The following ATP11A variants were observed in gnomAD, a reference collection of about 807,000 sequenced individuals.
ATP11A encodes the protein ATPase phospholipid transporting 11A.
Under a neutral mutation model 154.4 loss-of-function variants are expected in ATP11A, and 81 were observed. That is an observed-to-expected ratio of 0.52 (90% CI 0.44 to 0.63). The LOEUF is 0.63. Among genes scored for constraint, ATP11A ranks in the 30% least tolerant of loss-of-function variants. The probability of loss-of-function intolerance (pLI) is 0.00; values close to 1 mark genes in which losing one functional copy is unlikely to be tolerated. For synonymous variants in ATP11A, 623 were observed against 585.9 expected (o/e 1.06, Z -0.91); for missense variants, 1,316 against 1,474.3 (o/e 0.89, Z 1.76).
rs1460675998 is a variant in ATP11A, at chr13:112,785,561, C to CA, written c.162+305dup. 1.3e-5 allele frequency among the ~76,000 whole-genome samples: 2 copies of CA among 152,092 alleles called. No homozygotes were observed. The highest frequency in any genetic ancestry group is 2.9e-5 in the Non-Finnish European group (2 of 68,022). ...CAGGATCCAAACCCTACCCAGGTCC[C>CA]ACTTCTGAGGCGCCTGGCCACGTGC... On this transcript the variant is annotated intron_variant, in intron 2 of 29. Coordinates refer to ENST00000375645, the MANE Select transcript of ATP11A (RefSeq NM_015205.3). The surrounding 1 kb of genome is among the most constrained non-coding windows in gnomAD (Gnocchi z 4.8).
At chr13:112,699,206 C>T (rs1886230446) in intron 1 of ATP11A, among the ~76,000 whole-genome samples, 1 of 152,152 alleles carries the variant, frequency 6.6e-6, no homozygotes, top group East Asian at 1.9e-4. Flanking sequence ...GTTTTTCTGC[C>T]ACTCAACTCA....
chr13:112,871,169 G>C (rs1276302919), intron 25 of ATP11A, among the ~76,000 whole-genome samples: 1 of 152,124 alleles, frequency 6.6e-6, no homozygotes, highest in South Asian at 2.1e-4. Flanking sequence ...GCATTTACTC[G>C]CAGAACGTTC....
At chr13:112,819,663 TTTTC>T in intron 7 of ATP11A, among the ~76,000 whole-genome samples, 2 of 152,278 alleles carry the variant, frequency 1.3e-5, no homozygotes, top group East Asian at 3.8e-4. Context: ...AAAGAATAAG[TTTTC>T]TTTATTTTAC....
intron 1 of ATP11A, among the ~76,000 whole-genome samples, chr13:112,694,374 C>G (rs767070544): frequency 2.0e-5 from 3 of 152,172 alleles, no homozygotes; most frequent in Non-Finnish European, 2.9e-5. Context: ...AACCTATGGG[C>G]TGCCAGTGCT....
At chr13:112,760,661 C>T (rs1430441276) in intron 1 of ATP11A, among the ~76,000 whole-genome samples, 1 of 152,106 alleles carries the variant, frequency 6.6e-6, no homozygotes, top group Non-Finnish European at 1.5e-5. Context: ...AAGAACTTCC[C>T]ATGCACCAGG....
chr13:112,858,337 C>T, intron 22 of ATP11A, 47 bp downstream of exon 22: 1 of 1,561,938 alleles, frequency 6.4e-7, no homozygotes, highest in Non-Finnish European at 8.7e-7. Context: ...ACAGGTCACG[C>T]ACAGGGTGGC....
At chr13:112,740,596 A>G (rs190799076) in intron 1 of ATP11A, among the ~76,000 whole-genome samples, 51 of 152,322 alleles carry the variant, frequency 3.3e-4, no homozygotes, top group African/African-American at 1.2e-3. Flanking sequence ...TTAAAATGCA[A>G]CGTAGCCCAG....
intron 1 of ATP11A, among the ~76,000 whole-genome samples, chr13:112,741,743 C>T (rs770185020): frequency 6.6e-6 from 1 of 152,182 alleles, no homozygotes; most frequent in African/African-American, 2.4e-5. Flanking sequence ...GTTTGTGGCT[C>T]TCTCTGCACT....
chr13:112,716,530 GA>G (rs1888477713), intron 1 of ATP11A, among the ~76,000 whole-genome samples: 1 of 152,212 alleles, frequency 6.6e-6, no homozygotes, highest in African/African-American at 2.4e-5. Flanking sequence ...AGCCGGGACA[GA>G]GGGGGCAAGG....
intron 1 of ATP11A, among the ~76,000 whole-genome samples, chr13:112,764,432 A>C (rs951960160): frequency 6.6e-6 from 1 of 152,156 alleles, no homozygotes; most frequent in Non-Finnish European, 1.5e-5. Context: ...TTGTTTCCTG[A>C]TGGAGGGGTT....
At chr13:112,708,841 G>A (rs899978392) in intron 1 of ATP11A, among the ~76,000 whole-genome samples, 2 of 152,248 alleles carry the variant, frequency 1.3e-5, no homozygotes, top group African/African-American at 4.8e-5. Context: ...CATGGAGGGG[G>A]AGGGGGAGTT....
chr13:112,875,661 C>A lies in ATP11A; in HGVS notation c.3162-115C>A. On this transcript the variant is annotated intron_variant, in intron 27 of 29. Transcript: ENST00000375645. The surrounding 1 kb of genome is among the most constrained non-coding windows in gnomAD (Gnocchi z 4.1). ...AGAGCAGGCTCCGTGGCTTGCCAAG[C>A]AACTCTCACTGACAAAAGTGTAAAC... 3 of 1,209,216 alleles carry A rather than the reference C, an allele frequency of 2.5e-6. No individual in the cohort carries two copies. The highest frequency in any genetic ancestry group is 3.4e-6 in the Non-Finnish European group (3 of 873,056). The allele number at this position is 1,209,216 out of a possible 1,614,324, so 74.9% of individuals were successfully genotyped here.
chr13:112,866,918 T>G (rs1205250238), intron 25 of ATP11A, among the ~76,000 whole-genome samples: 1 of 152,210 alleles, frequency 6.6e-6, no homozygotes, highest in Non-Finnish European at 1.5e-5. Flanking sequence ...GAACTTATTC[T>G]TTGTCTTCAT....
intron 1 of ATP11A, among the ~76,000 whole-genome samples, chr13:112,718,332 C>G (rs1260188955): frequency 6.6e-6 from 1 of 152,216 alleles, no homozygotes; most frequent in African/African-American, 2.4e-5. Context: ...ATGTTCAACT[C>G]TGCTTTTTGT....
intron 12 of ATP11A, among the ~76,000 whole-genome samples, chr13:112,829,311 G>T (rs1457164196): frequency 6.6e-6 from 1 of 152,208 alleles, no homozygotes; most frequent in African/African-American, 2.4e-5. Flanking sequence ...GACCCCTGAT[G>T]AACAAAGTTG....
chr13:112,882,538 C>T lies in ATP11A; in HGVS notation c.*672C>T, dbSNP rs79824403. ...GATACCATCATCCCTGCGGATGCAC[C>T]GCCGTACCCTGCTCATCTGGGAGTG... On this transcript the variant is annotated 3_prime_UTR_variant, in exon 30 of 30. Coordinates refer to ENST00000375645, the MANE Select transcript of ATP11A (RefSeq NM_015205.3). This position sits in a 1 kb window ranked among gnomAD's most constrained non-coding sequence, Gnocchi z 5.1. The T allele has an allele frequency of 1.8e-3, 768 of 429,898 alleles. 10 individuals carry two copies. The East Asian group carries it at 0.025, about 14-fold the overall frequency. 26.6% of individuals were successfully genotyped at this position (429,898 alleles called of 1,614,324 possible). A position where few individuals can be genotyped will look rare whatever the true frequency, so the allele number is the denominator to read the frequency against.
chr13:112,880,381 G>T lies in ATP11A; in HGVS notation c.*10-1495G>T, dbSNP rs201885443. The T allele has an allele frequency of 4.7e-4, 203 of 429,176 alleles. 1 individual carries two copies. In the East Asian group the frequency reaches 0.02, roughly 42 times the overall value. 26.6% of individuals were successfully genotyped at this position (429,176 alleles called of 1,614,324 possible). On this transcript the variant is annotated intron_variant, in intron 29 of 29. Coordinates refer to ENST00000375645, the MANE Select transcript of ATP11A (RefSeq NM_015205.3). ...TGCTGGGACAGTGTTTTCCCAAGAC[G>T]CCCCAAGCCCTCGCCCTGGCAGCTC...
At chr13:112,833,108 G>A in intron 14 of ATP11A, 85 bp downstream of exon 14, 1 of 1,516,792 alleles carries the variant, frequency 6.6e-7, no homozygotes, top group Non-Finnish European at 8.9e-7. Context: ...GCACCTAGAG[G>A]CGTCCTCAGC....
At chr13:112,738,450 G>T (rs150400228) in intron 1 of ATP11A, among the ~76,000 whole-genome samples, 1 of 152,360 alleles carries the variant, frequency 6.6e-6, no homozygotes, top group East Asian at 1.9e-4. Flanking sequence ...TGCTCGTAGA[G>T]TATTGAACGA....
Sources: allele counts gnomAD v4.1 joint callset (sites outside exome capture counted in the v4.1 genomes callset), GRCh38; gene constraint gnomAD v4.1.1; non-coding constraint Gnocchi (gnomAD v3.1); transcripts MANE v1.5; gene names NCBI Gene and HGNC (gene_info 2026-07-23, HGNC 2026-07-21).